Variants in MCF2L observed in about 807,000 individuals in gnomAD.
The protein encoded by MCF2L is guanine nucleotide exchange factor DBS.
In MCF2L, 97 loss-of-function variants were observed where a neutral mutation model predicts 153.4. The observed-to-expected ratio is 0.63, with a 90% CI of 0.54 to 0.75. The LOEUF (loss-of-function observed/expected upper bound fraction) is 0.75, where lower values mean the gene tolerates loss of function less well. MCF2L is among the 30% of genes least tolerant of loss of function. The pLI, the probability that MCF2L is intolerant of heterozygous loss-of-function variation, is 0.00. For missense variants in MCF2L, 1,347 were observed against 1,495.2 expected (o/e 0.90, Z 1.64); for synonymous variants, 659 against 632.2 (o/e 1.04, Z -0.64).
At chr13:113,091,136 C>G (rs2035171339) in intron 26 of MCF2L, 1 of 1,304,548 alleles carries the variant, frequency 7.7e-7, no homozygotes, top group Non-Finnish European at 1.0e-6. Context: ...CCTACCAGTC[C>G]TGACAAAAAA....
intron 3 of MCF2L, among the ~76,000 whole-genome samples, chr13:113,025,858 C>A (rs113093785): frequency 0.024 from 2,170 of 89,168 alleles, 46 homozygotes; most frequent in South Asian, 0.056. Context: ...ATGGTGGGGT[C>A]CCCGTGACTG....
In MCF2L at chr13:113,031,980, G is replaced by A. The variant is rs1380526754; in HGVS notation, c.278+7222G>A. 6.6e-6 allele frequency among the ~76,000 whole-genome samples: 1 copy of A among 152,156 alleles called. No homozygotes were observed. Among genetic ancestry groups the A allele is most frequent in the African/African-American group, 2.4e-5 (1 of 41,442 alleles). On this transcript the variant is annotated intron_variant, in intron 3 of 29. Transcript: ENST00000535094. The surrounding 1 kb of genome is among the most constrained non-coding windows in gnomAD (Gnocchi z 5.5). Reference sequence around the variant, plus strand: ...CACGTGCGCACACACACACATGCAAGTGCATGCATACCCCCCCACAGACCT... The same window carrying A: ...CACGTGCGCACACACACACATGCAAATGCATGCATACCCCCCCACAGACCT...
Position 112,963,079 on chromosome 13 carries a change from C to T in MCF2L, c.170-51684C>T, listed in dbSNP as rs563523290. Among the ~76,000 whole-genome samples, 10 of 152,298 alleles carry T rather than the reference C, an allele frequency of 6.6e-5. No individual in the cohort carries two copies. The East Asian group carries it at 1.7e-3, about 27-fold the overall frequency. ...CGAAGGGGTTCTGGAATATTCCAGG[C>T]TGGTGCCAGATCTGTCATGGCAGCC... On this transcript the variant is annotated intron_variant, in intron 2 of 29. Coordinates refer to the MCF2L transcript ENST00000375608.
intron 8 of MCF2L, among the ~76,000 whole-genome samples, 164 bp downstream of exon 8, chr13:113,066,334 C>T (rs1175670371): frequency 6.6e-6 from 1 of 152,226 alleles, no homozygotes; most frequent in Admixed American, 6.5e-5. Context: ...CTCCGAGCCT[C>T]TGTGTGGGCC....
chr13:113,045,832 G>A lies in MCF2L; in HGVS notation c.369+471G>A, dbSNP rs2086777870. ...AACAGTCCTGACCAGGCAGGACGGG[G>A]GCTGTGTGCAGAGACGCTCCAGGCT... is the stretch of plus-strand genomic sequence containing the variant. On this transcript the variant is annotated intron_variant, in intron 4 of 29. Transcript: ENST00000535094. The surrounding 1 kb of genome is among the most constrained non-coding windows in gnomAD (Gnocchi z 4.2). 5.5e-6 allele frequency: 1 copy of A among 183,332 alleles called. No individual in the cohort carries two copies. The highest frequency in any genetic ancestry group is 1.2e-5 in the Non-Finnish European group (1 of 85,630). The allele number at this position is 183,332 out of a possible 1,614,324, so 11.4% of individuals were successfully genotyped here.
rs1227857047 is a variant in MCF2L at position 113,099,482 on chromosome 13, T to G, written c.*2623T>G. The G allele has an allele frequency of 1.3e-5, 2 of 152,202 alleles. No homozygotes were observed. The highest frequency in any genetic ancestry group is 2.1e-4 in the South Asian group (1 of 4,826). The allele number at this position is 152,202 out of a possible 1,614,324, so 9.4% of individuals were successfully genotyped here. A position where few individuals can be genotyped will look rare whatever the true frequency, so the allele number is the denominator to read the frequency against. ...GGGAGCAGCCACGGCCAGCTCAGAT[T>G]GGTGTCGACAGCTTAGTGGTGTCTG... On this transcript the variant is annotated 3_prime_UTR_variant, in exon 30 of 30. Transcript: ENST00000535094.
chr13:113,073,429 C>A (rs1239675079), intron 9 of MCF2L, among the ~76,000 whole-genome samples: 1 of 152,136 alleles, frequency 6.6e-6, no homozygotes, highest in Admixed American at 6.5e-5. Context: ...AGAGAAGTCT[C>A]ACTCATCAGC....
At chr13:113,091,245 G>A (rs984098594) in intron 26 of MCF2L, 36 of 1,299,972 alleles carry the variant, frequency 2.8e-5, no homozygotes, top group African/African-American at 2.3e-4. Context: ...GGCAGGAAGC[G>A]CGGCCCAGCT....
At chr13:113,049,518 G>A (rs1566800431) in intron 4 of MCF2L, among the ~76,000 whole-genome samples, 1 of 152,212 alleles carries the variant, frequency 6.6e-6, no homozygotes, top group Non-Finnish European at 1.5e-5. Context: ...GCACCTGGAC[G>A]CCAACCCCTG....
Position 113,017,083 on chromosome 13 carries a change from T to C in MCF2L, c.163+2237T>C, listed in dbSNP as rs9577422. On this transcript the variant is annotated intron_variant, in intron 2 of 29. Transcript: ENST00000535094. ...TGTCGGCTGGCGCTTCTCCTGCAGA[T>C]GTGCGCGGATTTGGAGGAAGCCTGT... Among the ~76,000 whole-genome samples the C allele has an allele frequency of 4.9e-3, 745 of 152,334 alleles. 29 individuals carry two copies. The East Asian group carries it at 0.1, about 21-fold the overall frequency.
rs771004041 is a variant in MCF2L at position 113,088,667 on chromosome 13, AG to A, written c.2834+40del. Reference sequence around the variant, plus strand: ...CGCTGCCGCAGGCCTGCGTTTCTGGAGCAGTCCCGAGCAGGCCATTTGCACG... The same window carrying A: ...CGCTGCCGCAGGCCTGCGTTTCTGGACAGTCCCGAGCAGGCCATTTGCACG... On this transcript the variant is annotated intron_variant, in intron 25 of 29. Coordinates refer to ENST00000535094, the MANE Select transcript of MCF2L (RefSeq NM_001112732.3). The A allele has an allele frequency of 1.2e-5, 19 of 1,581,508 alleles. No individual in the cohort carries two copies. In the East Asian group the frequency reaches 3.6e-4, roughly 30 times the overall value.
At position 113,053,927 on chromosome 13, in the gene MCF2L, G is replaced by A. The variant is rs1032156276; in HGVS notation, c.370-6666G>A. 1.2e-4 allele frequency among the ~76,000 whole-genome samples: 19 copies of A among 152,070 alleles called. No homozygotes were observed. The highest frequency in any genetic ancestry group is 7.2e-4 in the Admixed American group (11 of 15,254). ...AACAAGTTGACCAGAAAAACAACCC[G>A]AATACTCCTCAACTCTTGATGGGAG... On this transcript the variant is annotated intron_variant, in intron 4 of 29. Coordinates refer to ENST00000535094, the MANE Select transcript of MCF2L (RefSeq NM_001112732.3). This position sits in a 1 kb window ranked among gnomAD's most constrained non-coding sequence, Gnocchi z 4.4.
rs1460834089 is a variant in MCF2L at position 113,006,642 on chromosome 13, T to A, written c.80-8121T>A. On this transcript the variant is annotated intron_variant, in intron 1 of 29. Transcript: ENST00000535094. Reference sequence around the variant, plus strand: ...GAGAGCAGGCGCACCCTGGGCGGCCTCCAGGAGAGAAAGGGAGACGTGTGC... The same window carrying A: ...GAGAGCAGGCGCACCCTGGGCGGCCACCAGGAGAGAAAGGGAGACGTGTGC... Among the ~76,000 whole-genome samples, 5 of 152,210 alleles carry A rather than the reference T, an allele frequency of 3.3e-5. No homozygotes were observed. In the East Asian group the frequency reaches 7.7e-4, roughly 24 times the overall value.
rs1447956581 is a variant in MCF2L, at chr13:113,096,387, C to T, written c.3092C>T (p.Thr1031Met). The T allele has an allele frequency of 6.3e-7, 1 of 1,582,926 alleles. No homozygotes were observed. The change falls in exon 28 of 30, where the codon ACG becomes ATG. Residue 1031 changes from threonine to methionine, a missense_variant. This residue lies in a region of MCF2L where 383 missense variants were observed against 335.4 expected (regional missense o/e 1.14). Transcript: ENST00000535094. ...GPKKLVPGKY[T>M]VVADHEKGGP... ...TCCCACCAGGTTCCAGGTAAATACA[C>T]GGTCGTGGCGGACCACGAGAAGGGA...
intron 26 of MCF2L, chr13:113,094,261 G>C (rs2035461837): frequency 3.7e-6 from 1 of 270,706 alleles, no homozygotes; most frequent in African/African-American, 2.2e-5. Flanking sequence ...AGGGCCTGGG[G>C]ATCGAGGTCT....
chr13:112,990,103 C>T (rs2082841075), intron 1 of MCF2L, among the ~76,000 whole-genome samples: 1 of 152,240 alleles, frequency 6.6e-6, no homozygotes, highest in African/African-American at 2.4e-5. Context: ...CTGCCGCTCA[C>T]TTCCTGCTGT....
chr13:112,974,544 A>G (rs1359353284), intron 1 of MCF2L, among the ~76,000 whole-genome samples: 1 of 152,194 alleles, frequency 6.6e-6, no homozygotes, highest in Non-Finnish European at 1.5e-5. Context: ...CGTTCTGGGG[A>G]AAATCACATT....
At chr13:113,015,909 G>A (rs1326333624) in intron 2 of MCF2L, among the ~76,000 whole-genome samples, 2 of 152,220 alleles carry the variant, frequency 1.3e-5, no homozygotes, top group South Asian at 2.1e-4. Flanking sequence ...CAAGAGAGGC[G>A]CCGTGGTTTC....
At chr13:113,048,977 C>T (rs574925558) in intron 4 of MCF2L, among the ~76,000 whole-genome samples, 1 of 152,300 alleles carries the variant, frequency 6.6e-6, no homozygotes, top group African/African-American at 2.4e-5. Context: ...ACATGCCAGG[C>T]CCCATCCACC....
Sources: allele counts gnomAD v4.1 joint callset (sites outside exome capture counted in the v4.1 genomes callset), GRCh38; gene constraint gnomAD v4.1.1; regional missense constraint gnomAD v4.1.1; non-coding constraint Gnocchi (gnomAD v3.1); transcripts MANE v1.5; gene names NCBI Gene and HGNC (gene_info 2026-07-23, HGNC 2026-07-21).